ANKRD26: variants seen among roughly 807,000 people sequenced by gnomAD.
ANKRD26 encodes the protein ankyrin repeat domain 26.
Under a neutral mutation model 208.7 loss-of-function variants are expected in ANKRD26, and 141 were observed. The observed-to-expected ratio is 0.68, with a 90% CI of 0.59 to 0.78. The LOEUF is 0.78. ANKRD26 is among the 30% of genes least tolerant of loss of function. The pLI, the probability that ANKRD26 is intolerant of heterozygous loss-of-function variation, is 0.00. For synonymous variants in ANKRD26, 636 were observed against 660.4 expected (o/e 0.96, Z 0.57); for missense variants, 1,889 against 1,938.7 (o/e 0.97, Z 0.48).
At chr10:26,957,924 T>G in the ANKRD26 span, among the ~76,000 whole-genome samples, 23 of 152,238 alleles carry the variant, frequency 1.5e-4, no homozygotes, top group African/African-American at 5.5e-4. Context: ...GGAGGACTTT[T>G]AAGGGTCACC....
At chr10:26,991,439 A>ATT (rs111848601), downstream of ANKRD26, among the ~76,000 whole-genome samples, 1 of 146,222 alleles carries the variant, frequency 6.8e-6, no homozygotes, top group Non-Finnish European at 1.5e-5. Flanking sequence ...AAGGAAGGTA[A>ATT]TTTTTTTTTT....
chr10:27,069,339 T>C lies in ANKRD26; in HGVS notation c.1078-2053A>G, dbSNP rs76939289. 6.7e-3 allele frequency among the ~76,000 whole-genome samples: 1,018 copies of C among 152,242 alleles called. 11 individuals carry two copies. Among genetic ancestry groups the C allele is most frequent in the African/African-American group, 0.023 (963 of 41,528 alleles). ...CCTGCTTCAATGTTTCAGTGCTACT[T>C]CCTAGGTGTTATTTACTAGGATGGG... On this transcript the variant is annotated intron_variant, in intron 9 of 33. Coordinates refer to ENST00000376087, the MANE Select transcript of ANKRD26 (RefSeq NM_014915.3).
At chr10:26,956,316 G>A in the ANKRD26 span, among the ~76,000 whole-genome samples, 17 of 152,074 alleles carry the variant, frequency 1.1e-4, no homozygotes, top group African/African-American at 3.9e-4. Context: ...TATGTCATAA[G>A]AAAGCCATAA....
the ANKRD26 span, among the ~76,000 whole-genome samples, chr10:26,961,257 A>T: frequency 6.6e-6 from 1 of 151,984 alleles, no homozygotes; most frequent in African/African-American, 2.4e-5. Flanking sequence ...AACATGCAAG[A>T]TCTTCAATCA....
At chr10:27,048,068 C>T (rs2054520152) in intron 17 of ANKRD26, among the ~76,000 whole-genome samples, 2 of 152,184 alleles carry the variant, frequency 1.3e-5, no homozygotes, top group South Asian at 2.1e-4. Flanking sequence ...GGTCTAAAAA[C>T]ATGCACAAGG....
intron 7 of ANKRD26, 124 bp from the exon 8 acceptor site, chr10:27,077,817 C>G (rs1464760843): frequency 2.3e-6 from 2 of 873,974 alleles, no homozygotes; most frequent in Admixed American, 4.3e-5. Flanking sequence ...TTTGGAGTCA[C>G]TCAGATGTAG....
downstream of ANKRD26, among the ~76,000 whole-genome samples, chr10:26,972,996 T>C (rs1380521929): frequency 1.3e-5 from 2 of 152,212 alleles, no homozygotes; most frequent in African/African-American, 4.8e-5. Context: ...CCACTTGCCA[T>C]ACCATGCTCA....
chr10:27,100,164 T>C lies in ANKRD26; in HGVS notation c.163A>G (p.Ser55Gly). 1 of 1,614,132 alleles carries C rather than the reference T, an allele frequency of 6.2e-7. No individual in the cohort carries two copies. The change falls in exon 1 of 34, where the codon AGC (serine) becomes GGC (glycine). Residue 55 changes from serine (S) to glycine (G), a missense_variant. By Grantham distance (56) the Ser-to-Gly change is moderately conservative. Coordinates refer to ENST00000376087, the MANE Select transcript of ANKRD26 (RefSeq NM_014915.3). Reference sequence around the variant, plus strand: ...TGCACTTTCGCCACATTACCCGCGCTGGCAGCTTTGTGGATCTTGCCGAGA... The same window carrying C: ...TGCACTTTCGCCACATTACCCGCGCCGGCAGCTTTGTGGATCTTGCCGAGA... ...RDLGKIHKAA[S>G]AGNVAKVQQI...
In ANKRD26 at chr10:27,014,525, C is replaced by T. The variant is rs953922597; in HGVS notation, c.4693G>A (p.Val1565Ile). The change falls in exon 31 of 34, where the codon GTT becomes ATT. Residue 1565 changes from valine (V) to isoleucine (I), a missense_variant. Physicochemically the swap from Val to Ile is conservative, Grantham distance 29. Coordinates refer to ENST00000376087, the MANE Select transcript of ANKRD26 (RefSeq NM_014915.3). ...YKQLYLEELK[V>I]RKSLSSKLTK... ...AGTTTACTTGACAAAGATTTTCTAA[C>T]TTTTAATTCTTCTAGATAGAGTTGC... is the stretch of plus-strand genomic sequence containing the variant. 3.8e-6 allele frequency: 6 copies of T among 1,588,670 alleles called. No individual in the cohort carries two copies. The Admixed American group carries it at 6.8e-5, about 18-fold the overall frequency.
Position 27,092,507 on chromosome 10 carries a change from G to T in ANKRD26, c.537C>A (p.Asp179Glu). Residue 179 changes from aspartate (D) to glutamate (E), a missense_variant, in exon 4 of 34, where the codon GAC (aspartate) becomes GAA (glutamate). Around this residue, in one of 3 missense-constraint regions of ANKRD26, gnomAD observed 1,272 missense variants for 1,273.8 expected, o/e 1.00. Coordinates refer to ENST00000376087, the MANE Select transcript of ANKRD26 (RefSeq NM_014915.3). ...DANIEAKNKD[D>E]LTPLLLAVSG... ...TTACTGCAAGTAAAAGTGGTGTGAG[G>T]TCATCCTGTAAGACAGCAAAAACAA... The T allele has an allele frequency of 6.2e-7, 1 of 1,612,264 alleles. No individual in the cohort carries two copies. The highest frequency in any genetic ancestry group is 1.3e-5 in the African/African-American group (1 of 74,962).
At chr10:26,950,885 T>G in the ANKRD26 span, among the ~76,000 whole-genome samples, 1 of 152,164 alleles carries the variant, frequency 6.6e-6, no homozygotes. Flanking sequence ...TTGATTTATT[T>G]GTCAAAAATA....
chr10:27,023,738 CA>C (rs1683031641), intron 28 of ANKRD26, among the ~76,000 whole-genome samples: 1 of 152,062 alleles, frequency 6.6e-6, no homozygotes, highest in African/African-American at 2.4e-5. Flanking sequence ...CGTAAGTACT[CA>C]GCAAATAAAC....
chr10:27,097,054 T>C (rs2056490097), intron 1 of ANKRD26, among the ~76,000 whole-genome samples: 2 of 151,930 alleles, frequency 1.3e-5, no homozygotes, highest in South Asian at 4.1e-4. Context: ...TGGTGGCACG[T>C]GCCTGGAATC....
chr10:27,045,083 C>G (rs187102143), intron 18 of ANKRD26, among the ~76,000 whole-genome samples: 3 of 152,236 alleles, frequency 2.0e-5, no homozygotes, highest in African/African-American at 7.2e-5. Flanking sequence ...AGAAATTCAT[C>G]AATGTTCATT....
chr10:27,012,133 T>A (rs2053133713), intron 32 of ANKRD26, among the ~76,000 whole-genome samples: 1 of 152,228 alleles, frequency 6.6e-6, no homozygotes. Flanking sequence ...TGCCAATCAT[T>A]CATTCACTTA....
Position 27,035,652 on chromosome 10 carries a change from T to G in ANKRD26, c.2798A>C (p.Asn933Thr). 3 of 1,590,110 alleles carry G rather than the reference T, an allele frequency of 1.9e-6. No homozygotes were observed. Among genetic ancestry groups the G allele is most frequent in the Non-Finnish European group, 2.6e-6 (3 of 1,172,586 alleles). Residue 933 changes from asparagine to threonine, a missense_variant, in exon 24 of 34, where the codon AAT becomes ACT. Asn to Thr is a moderately conservative substitution (Grantham distance 65). Transcript: ENST00000376087. Reference sequence around the variant, plus strand: ...TTTCTTTTCTTTTTCCTGGTTTTGATTTTTTATTGTGTCTATTTCTAGTCT... The same window carrying G: ...TTTCTTTTCTTTTTCCTGGTTTTGAGTTTTTATTGTGTCTATTTCTAGTCT... ...MLRLEIDTIKNQNQEKEKKCF... is the reference protein window; with the variant it reads ...MLRLEIDTIKTQNQEKEKKCF...
the ANKRD26 span, among the ~76,000 whole-genome samples, chr10:26,962,587 A>G: frequency 6.6e-6 from 1 of 152,056 alleles, no homozygotes; most frequent in Non-Finnish European, 1.5e-5. Context: ...TCAATCAATT[A>G]ATAAATAAAT....
At chr10:26,974,860 T>C (rs192318376) in exon 6 of ANKRD26, among the ~76,000 whole-genome samples, 37 of 152,394 alleles carry the variant, frequency 2.4e-4, no homozygotes, top group Non-Finnish European at 5.9e-5. Context: ...TTGTTGCATT[T>C]AGAAAAGTGC....
the ANKRD26 span, among the ~76,000 whole-genome samples, chr10:26,955,885 T>C: frequency 6.6e-6 from 1 of 152,236 alleles, no homozygotes; most frequent in African/African-American, 2.4e-5. Context: ...TCCCAACTCC[T>C]TTCAAATCAA....
Sources: allele counts gnomAD v4.1 joint callset (sites outside exome capture counted in the v4.1 genomes callset), GRCh38; gene constraint gnomAD v4.1.1; regional missense constraint gnomAD v4.1.1; transcripts MANE v1.5; gene names NCBI Gene and HGNC (gene_info 2026-07-23, HGNC 2026-07-21).